Variants in PLCB1 observed in about 807,000 individuals in gnomAD.
PLCB1 encodes the protein 1-phosphatidylinositol 4,5-bisphosphate phosphodiesterase beta-1.
PLCB1 carries 46 observed loss-of-function variants against 161.8 expected under a neutral mutation model. The ratio of observed to expected loss-of-function variants is 0.28; its 90% CI spans 0.22 to 0.36. The LOEUF (loss-of-function observed/expected upper bound fraction) is 0.36. PLCB1 is among the 10% of genes least tolerant of loss of function. PLCB1 has a pLI of 1.00. For missense variants in PLCB1, 1,016 were observed against 1,472.5 expected, an observed-to-expected ratio of 0.69 and a Z score of 5.07; for synonymous variants, 517 against 503.7, an observed-to-expected ratio of 1.03 and a Z score of -0.35.
intron 31 of PLCB1, among the ~76,000 whole-genome samples, chr20:8,835,571 T>G (rs6056198): frequency 0.6 from 90,701 of 151,762 alleles, 28,008 homozygotes; most frequent in East Asian, 0.79. Flanking sequence ...CATATCTTGT[T>G]TTACTAGCCT....
At chr20:8,827,028 T>C (rs1985739878) in intron 31 of PLCB1, among the ~76,000 whole-genome samples, 1 of 152,218 alleles carries the variant, frequency 6.6e-6, no homozygotes, top group African/African-American at 2.4e-5. Flanking sequence ...GTTTTGCAAG[T>C]TCATTATTTC....
At chr20:8,348,303 C>T (rs1237799989) in intron 2 of PLCB1, among the ~76,000 whole-genome samples, 1 of 152,188 alleles carries the variant, frequency 6.6e-6, no homozygotes, top group Non-Finnish European at 1.5e-5. Context: ...GGTACTTCCT[C>T]TAGATAGAGG....
intron 31 of PLCB1, among the ~76,000 whole-genome samples, chr20:8,866,170 C>A (rs2146319161): frequency 6.6e-6 from 1 of 152,276 alleles, no homozygotes; most frequent in East Asian, 1.9e-4. Flanking sequence ...AGTTACATCA[C>A]CACACTTACG....
chr20:8,246,547 T>C (rs1335190793), intron 2 of PLCB1, among the ~76,000 whole-genome samples: 1 of 151,922 alleles, frequency 6.6e-6, no homozygotes, highest in African/African-American at 2.4e-5. Context: ...GATCTCAGGT[T>C]CAACCACCTG....
chr20:8,205,267 T>C (rs1978465675), intron 2 of PLCB1, among the ~76,000 whole-genome samples: 1 of 152,206 alleles, frequency 6.6e-6, no homozygotes, highest in Admixed American at 6.5e-5. Context: ...TCTAACTTTA[T>C]TAGCATTCGT....
chr20:8,253,023 T>G (rs757008522), intron 2 of PLCB1, among the ~76,000 whole-genome samples: 15 of 151,966 alleles, frequency 9.9e-5, no homozygotes, highest in Non-Finnish European at 1.5e-5. Context: ...CAGTTTGGAT[T>G]AACAATAATA....
At position 8,445,673 on chromosome 20, in the gene PLCB1, C is replaced by G. The variant is rs1293917220; in HGVS notation, c.246+74223C>G. Among the ~76,000 whole-genome samples the G allele has an allele frequency of 2.6e-5, 4 of 152,132 alleles. No homozygotes were observed. In the East Asian group the frequency reaches 7.7e-4, roughly 29 times the overall value. On this transcript the variant is annotated intron_variant, in intron 3 of 31. Coordinates refer to ENST00000338037, the MANE Select transcript of PLCB1 (RefSeq NM_015192.4). ...TTTTCATGGTATTGATTCTTCCTAT[C>G]CATGAGCATGGAATGTTCTTCCATT...
At chr20:8,353,444 C>CA (rs1181241665) in intron 2 of PLCB1, among the ~76,000 whole-genome samples, 3 of 151,702 alleles carry the variant, frequency 2.0e-5, no homozygotes, top group Non-Finnish European at 2.9e-5. Flanking sequence ...CAACTTCCTG[C>CA]AAAAAAAGCA....
intron 4 of PLCB1, among the ~76,000 whole-genome samples, chr20:8,632,739 T>A (rs575382061): frequency 6.6e-6 from 1 of 152,146 alleles, no homozygotes; most frequent in African/African-American, 2.4e-5. Flanking sequence ...AAAGATAGTC[T>A]GGTGTACTTT....
chr20:8,248,228 G>A (rs1303958614), intron 2 of PLCB1, among the ~76,000 whole-genome samples: 3 of 151,948 alleles, frequency 2.0e-5, no homozygotes, highest in South Asian at 2.1e-4. Flanking sequence ...CCTGCCTGGA[G>A]GCAAGGTAGC....
At position 8,658,695 on chromosome 20, in the gene PLCB1, G is replaced by T. The variant is rs776416226; in HGVS notation, c.853G>T (p.Ala285Ser). Residue 285 changes from alanine (A) to serine (S), a missense_variant, in exon 9 of 32, where the codon GCC becomes TCC. Ala to Ser is a moderately conservative substitution (Grantham distance 99, BLOSUM62 1). Around this residue, in one of 10 missense-constraint regions of PLCB1, gnomAD observed 117 missense variants for 142.2 expected, o/e 0.82. Coordinates refer to ENST00000338037, the MANE Select transcript of PLCB1 (RefSeq NM_015192.4). ...IEKYEPNNSL[A>S]RKGQISVDGF... ...GAAGTATGAACCCAACAACAGCCTC[G>T]CCAGAAAAGGTCAGTACTTTCTTTC... The T allele has an allele frequency of 1.2e-6, 2 of 1,602,068 alleles. No individual in the cohort carries two copies. Among genetic ancestry groups the T allele is most frequent in the Middle Eastern group, 1.7e-4 (1 of 5,974 alleles).
chr20:8,373,906 A>G (rs1232885603), intron 3 of PLCB1, among the ~76,000 whole-genome samples: 3 of 152,222 alleles, frequency 2.0e-5, no homozygotes, highest in Non-Finnish European at 4.4e-5. Flanking sequence ...CCTCAGCTCA[A>G]ATTGGACAAA....
chr20:8,359,638 G>T (rs193001629), intron 2 of PLCB1, among the ~76,000 whole-genome samples: 50 of 152,030 alleles, frequency 3.3e-4, no homozygotes, highest in African/African-American at 9.4e-4. Flanking sequence ...TAGATTACAG[G>T]GTATTTATGC....
At chr20:8,530,412 T>C (rs1434699334) in intron 3 of PLCB1, among the ~76,000 whole-genome samples, 1 of 152,106 alleles carries the variant, frequency 6.6e-6, no homozygotes, top group Non-Finnish European at 1.5e-5. Context: ...AATCTACTTG[T>C]TAATACAGTC....
At chr20:8,284,104 G>T (rs1232581136) in intron 2 of PLCB1, among the ~76,000 whole-genome samples, 3 of 151,626 alleles carry the variant, frequency 2.0e-5, no homozygotes, top group African/African-American at 4.8e-5. Context: ...TTTAATAAGG[G>T]ATTGAAAGAG....
intron 25 of PLCB1, 71 bp downstream of exon 25, chr20:8,760,531 G>A: frequency 9.8e-7 from 1 of 1,022,062 alleles, no homozygotes; most frequent in Non-Finnish European, 1.5e-6. Flanking sequence ...TTAGAGGAGA[G>A]GAAATTTCCA....
At chr20:8,411,865 T>C (rs1040763628) in intron 3 of PLCB1, among the ~76,000 whole-genome samples, 1 of 151,956 alleles carries the variant, frequency 6.6e-6, no homozygotes, top group Admixed American at 6.6e-5. Flanking sequence ...CTCTACTAAA[T>C]ACAAAAAATT....
rs1210629874 is a variant in PLCB1, at chr20:8,486,559, A to G, written c.246+115109A>G. 2.2e-5 allele frequency among the ~76,000 whole-genome samples: 3 copies of G among 134,276 alleles called. No homozygotes were observed. The East Asian group carries it at 6.4e-4, about 29-fold the overall frequency. 88.1% of individuals were successfully genotyped at this position (134,276 alleles called of 152,430 possible). ...GCCGGACTGCGGACTGCAGTGGCGC[A>G]ATCTCGGCTCACTGCAAGCTCCGCT... On this transcript the variant is annotated intron_variant, in intron 3 of 31. Coordinates refer to ENST00000338037, the MANE Select transcript of PLCB1 (RefSeq NM_015192.4).
intron 2 of PLCB1, among the ~76,000 whole-genome samples, chr20:8,304,636 TTG>T (rs143282077): frequency 1.3e-5 from 2 of 150,438 alleles, no homozygotes; most frequent in African/African-American, 2.4e-5. Context: ...TGAGAGTGCT[TTG>T]TGTGTGTGTG....
Sources: gnomAD v4.1 joint callset for allele counts (sites outside exome capture counted in the v4.1 genomes callset) on GRCh38, gnomAD v4.1.1 for gene constraint, gnomAD v4.1.1 regional missense constraint, MANE v1.5 for transcripts, NCBI Gene and HGNC (gene_info 2026-07-23, HGNC 2026-07-21) for gene names.